The following ST3GAL1 variants were observed in gnomAD, a reference collection of about 807,000 sequenced individuals.
ST3GAL1 encodes the protein ST3 beta-galactoside alpha-2,3-sialyltransferase 1.
Under a neutral mutation model 34.1 loss-of-function variants are expected in ST3GAL1, and 16 were observed. The observed-to-expected ratio is 0.47, with a 90% CI of 0.32 to 0.71. The LOEUF is 0.71. Ranked by LOEUF, ST3GAL1 falls within the 30% of genes least tolerant of loss-of-function variation. The pLI is 0.04. For synonymous variants in ST3GAL1, 191 were observed against 184.7 expected, an observed-to-expected ratio of 1.03 and a Z score of -0.28; for missense variants, 353 against 447.4, an observed-to-expected ratio of 0.79 and a Z score of 1.90.
rs563398365 is a variant in ST3GAL1, at chr8:133,466,889, G to C, written c.307-799C>G. ...CGAGGCAGGTGGATCACGAAGTCAG[G>C]AGTTTGAGACCAGCCTGGCCAATAT... On this transcript the variant is annotated intron_variant, in intron 5 of 9. Coordinates refer to ENST00000522652, the MANE Select transcript of ST3GAL1 (RefSeq NM_173344.3). The surrounding 1 kb of genome is among the most constrained non-coding windows in gnomAD (Gnocchi z 4.4). Among the ~76,000 whole-genome samples, 62 of 152,304 alleles carry C rather than the reference G, an allele frequency of 4.1e-4. No homozygotes were observed. Among genetic ancestry groups the C allele is most frequent in the Admixed American group, 9.8e-4 (15 of 15,298 alleles).
intron 3 of ST3GAL1, among the ~76,000 whole-genome samples, chr8:133,480,499 T>C (rs1409399260): frequency 6.6e-6 from 1 of 152,156 alleles, no homozygotes; most frequent in Non-Finnish European, 1.5e-5. Flanking sequence ...CCTGGCACTA[T>C]GGTCACTAGA....
chr8:133,475,644 A>T, intron 5 of ST3GAL1, 75 bp downstream of exon 5: 2 of 1,438,302 alleles, frequency 1.4e-6, no homozygotes, highest in Non-Finnish European at 1.8e-6. Flanking sequence ...CCAGATCCCC[A>T]CTCTCAGCCC....
chr8:133,559,963 G>T (rs1160733534), intron 1 of ST3GAL1, among the ~76,000 whole-genome samples: 1 of 152,190 alleles, frequency 6.6e-6, no homozygotes, highest in Non-Finnish European at 1.5e-5. Flanking sequence ...ATGAGTTCTT[G>T]CAAGCAGCCA....
At chr8:133,483,016 C>T (rs1816455291) in intron 3 of ST3GAL1, among the ~76,000 whole-genome samples, 2 of 152,214 alleles carry the variant, frequency 1.3e-5, no homozygotes, top group South Asian at 4.1e-4. Context: ...CTCTCTGATC[C>T]TCAATTCCTG....
At chr8:133,500,627 C>T (rs1817120467) in intron 2 of ST3GAL1, among the ~76,000 whole-genome samples, 1 of 152,142 alleles carries the variant, frequency 6.6e-6, no homozygotes, top group Non-Finnish European at 1.5e-5. Flanking sequence ...TGCCAGGAGT[C>T]ACTTAACCTC....
intron 1 of ST3GAL1, among the ~76,000 whole-genome samples, chr8:133,562,856 T>TC (rs1563744763): frequency 2.1e-5 from 3 of 142,724 alleles, no homozygotes; most frequent in Middle Eastern, 3.6e-3. Context: ...CTTTCTTTTT[T>TC]TTTTTTTTTT....
chr8:133,465,191 G>A (rs544924253), intron 6 of ST3GAL1, among the ~76,000 whole-genome samples: 4 of 152,182 alleles, frequency 2.6e-5, no homozygotes, highest in South Asian at 2.1e-4. Context: ...ACCACTGCCC[G>A]CCTGTCACAG....
At chr8:133,528,535 G>A (rs1818043432) in intron 2 of ST3GAL1, among the ~76,000 whole-genome samples, 1 of 152,238 alleles carries the variant, frequency 6.6e-6, no homozygotes, top group Non-Finnish European at 1.5e-5. Flanking sequence ...TCCCTCTACA[G>A]CCTACACTGA....
At chr8:133,569,569 C>T (rs961339303) in intron 1 of ST3GAL1, among the ~76,000 whole-genome samples, 1 of 152,054 alleles carries the variant, frequency 6.6e-6, no homozygotes, top group Non-Finnish European at 1.5e-5. Context: ...CTAGAAGAGG[C>T]CCCACGCTGT....
At chr8:133,515,483 G>T in intron 2 of ST3GAL1, 1 of 152,252 alleles carries the variant, frequency 6.6e-6, no homozygotes. Context: ...TAGTTCTCAA[G>T]GGTTCTCATT....
At chr8:133,517,549 C>T (rs929559999) in intron 2 of ST3GAL1, among the ~76,000 whole-genome samples, 7 of 152,110 alleles carry the variant, frequency 4.6e-5, no homozygotes, top group African/African-American at 1.4e-4. Flanking sequence ...AGGGTTTCAC[C>T]ATATTGGTCA....
chr8:133,515,767 T>C (rs1354955978), intron 2 of ST3GAL1: 4 of 152,214 alleles, frequency 2.6e-5, no homozygotes, highest in Admixed American at 2.0e-4. Flanking sequence ...CCAAAACAAA[T>C]GATTTCAACT....
intron 5 of ST3GAL1, among the ~76,000 whole-genome samples, chr8:133,472,609 C>G (rs1011098467): frequency 6.6e-6 from 1 of 152,196 alleles, no homozygotes; most frequent in Non-Finnish European, 1.5e-5. Context: ...TATCCCGATT[C>G]TTTATTCAAA....
In ST3GAL1 at chr8:133,570,825, A is replaced by G. The variant is rs1215715432; in HGVS notation, c.-582+868T>C. Reference sequence around the variant, plus strand: ...CTGTCCGTCCCCGTGCGCTCCCAGAAGGGGTGGCCCTGCCCCCACGCAGGT... The same window carrying G: ...CTGTCCGTCCCCGTGCGCTCCCAGAGGGGGTGGCCCTGCCCCCACGCAGGT... On this transcript the variant is annotated intron_variant, in intron 1 of 9. Transcript: ENST00000522652. The surrounding 1 kb of genome is among the most constrained non-coding windows in gnomAD (Gnocchi z 5.6). Among the ~76,000 whole-genome samples, 9 of 152,208 alleles carry G rather than the reference A, an allele frequency of 5.9e-5. No individual in the cohort carries two copies. Among genetic ancestry groups the G allele is most frequent in the Non-Finnish European group, 2.9e-5 (2 of 68,036 alleles).
chr8:133,529,189 C>A (rs1818069170), intron 2 of ST3GAL1, among the ~76,000 whole-genome samples: 1 of 152,210 alleles, frequency 6.6e-6, no homozygotes, highest in African/African-American at 2.4e-5. Context: ...GGCTTTCTAG[C>A]CCTCTTGCCA....
chr8:133,559,396 G>C (rs1819152906), intron 1 of ST3GAL1, among the ~76,000 whole-genome samples: 1 of 152,160 alleles, frequency 6.6e-6, no homozygotes, highest in Non-Finnish European at 1.5e-5. Flanking sequence ...ATTCTGAAAG[G>C]TGTGTTTTCC....
At chr8:133,460,032 G>A in intron 9 of ST3GAL1, 95 bp from the exon 10 acceptor site, 1 of 1,341,124 alleles carries the variant, frequency 7.5e-7, no homozygotes, top group Non-Finnish European at 1.0e-6. Flanking sequence ...AATCCCACAG[G>A]ACCATAAACA....
chr8:133,558,941 T>A (rs1405003178), intron 1 of ST3GAL1, among the ~76,000 whole-genome samples: 1 of 152,188 alleles, frequency 6.6e-6, no homozygotes, highest in Non-Finnish European at 1.5e-5. Context: ...CTCGTGGGTC[T>A]TCTCCAGGCA....
Position 133,463,595 on chromosome 8 carries a change from C to A in ST3GAL1, c.684-136G>T, listed in dbSNP as rs544359354. 66 of 865,878 alleles carry A rather than the reference C, an allele frequency of 7.6e-5. 2 individuals carry two copies. The Admixed American group carries it at 1.2e-3, about 15-fold the overall frequency. The allele number at this position is 865,878 out of a possible 1,614,324, so 53.6% of individuals were successfully genotyped here. A position where few individuals can be genotyped will look rare whatever the true frequency, so the allele number is the denominator to read the frequency against. Reference sequence around the variant, plus strand: ...TGCCCCCCATAGCTTCCCTCAGGGACCCCCACCTCCCTACCCCAGCCGGGT... The same window carrying A: ...TGCCCCCCATAGCTTCCCTCAGGGAACCCCACCTCCCTACCCCAGCCGGGT... On this transcript the variant is annotated intron_variant, in intron 7 of 9. Coordinates refer to ENST00000522652, the MANE Select transcript of ST3GAL1 (RefSeq NM_173344.3).
Sources: allele counts gnomAD v4.1 joint callset (sites outside exome capture counted in the v4.1 genomes callset), GRCh38; gene constraint gnomAD v4.1.1; non-coding constraint Gnocchi (gnomAD v3.1); transcripts MANE v1.5; gene names NCBI Gene and HGNC (gene_info 2026-07-23, HGNC 2026-07-21).